Variants in NRP1 observed in about 807,000 individuals in gnomAD.
NRP1 encodes the protein neuropilin 1.
A neutral mutation model predicts 106.7 loss-of-function variants in NRP1; 35 were observed. The observed-to-expected ratio is 0.33, with a 90% CI of 0.25 to 0.43. The LOEUF (loss-of-function observed/expected upper bound fraction) is 0.43. Among genes scored for constraint, NRP1 ranks in the 20% least tolerant of loss-of-function variants. NRP1 has a pLI of 1.00. For missense variants in NRP1, 1,024 were observed against 1,170.4 expected (o/e 0.87, Z 1.83); for synonymous variants, 437 against 417.9 (o/e 1.05, Z -0.56).
chr10:33,184,756 G>T (rs182211367), intron 15 of NRP1, among the ~76,000 whole-genome samples: 4 of 152,032 alleles, frequency 2.6e-5, no homozygotes, highest in African/African-American at 7.2e-5. Context: ...AATTATTGCC[G>T]CTTTAGGGAT....
chr10:33,292,910 C>T (rs756476490), intron 2 of NRP1, among the ~76,000 whole-genome samples: 14 of 150,780 alleles, frequency 9.3e-5, no homozygotes, highest in South Asian at 8.5e-4. Context: ...TGCCTGAACT[C>T]GGGAGGCAGA....
At chr10:33,279,794 T>G (rs994449400) in intron 2 of NRP1, among the ~76,000 whole-genome samples, 2 of 152,204 alleles carry the variant, frequency 1.3e-5, no homozygotes, top group African/African-American at 4.8e-5. Context: ...AGGGATCATC[T>G]GCTCCATCTT....
intron 10 of NRP1, 142 bp downstream of exon 10, chr10:33,207,430 T>A (rs1216590622): frequency 1.2e-6 from 1 of 800,228 alleles, no homozygotes; most frequent in African/African-American, 1.7e-5. Flanking sequence ...GAGCTTTGAG[T>A]CTCACTGATG....
intron 16 of NRP1, among the ~76,000 whole-genome samples, chr10:33,180,726 C>T (rs1368261891): frequency 2.0e-5 from 3 of 152,186 alleles, no homozygotes; most frequent in Non-Finnish European, 2.9e-5. Flanking sequence ...ATTAGTCTAG[C>T]AAGGGGATTT....
At chr10:33,236,031 C>A (rs1185612299) in intron 6 of NRP1, among the ~76,000 whole-genome samples, 2 of 152,160 alleles carry the variant, frequency 1.3e-5, no homozygotes, top group Non-Finnish European at 2.9e-5. Flanking sequence ...TCTTTCCAGG[C>A]AGTAAAAGAT....
Position 33,197,696 on chromosome 10 carries a change from C to A in NRP1, c.1878G>T (p.Val626=). The change falls in exon 12 of 17, where the codon GTG becomes GTT. Residue 626 remains valine (V), a synonymous_variant. Transcript: ENST00000374867. ...DDFQLTGGTT[V]LATEKPTVID... The stretch of plus-strand genomic sequence containing the variant: ...TGACCGTGGGCTTTTCTGTGGCCAG[C>A]ACAGTGGTGCCACCTGAAAAACAAA... 1 of 1,598,004 alleles carries A rather than the reference C, an allele frequency of 6.3e-7. No individual in the cohort carries two copies. Among genetic ancestry groups the A allele is most frequent in the Non-Finnish European group, 8.5e-7 (1 of 1,171,110 alleles).
chr10:33,193,558 C>A (rs1218098506), intron 12 of NRP1, among the ~76,000 whole-genome samples: 1 of 152,106 alleles, frequency 6.6e-6, no homozygotes, highest in East Asian at 1.9e-4. Context: ...CAGGAAGGCG[C>A]CTGGGGCATC....
intron 3 of NRP1, 24 bp downstream of exon 3, chr10:33,270,651 T>C (rs1430251339): frequency 6.4e-7 from 1 of 1,572,756 alleles, no homozygotes; most frequent in Non-Finnish European, 8.6e-7. Flanking sequence ...GTCATTCTTG[T>C]TCTACCGTAA....
At chr10:33,305,600 C>T (rs1290384653) in intron 2 of NRP1, among the ~76,000 whole-genome samples, 1 of 152,182 alleles carries the variant, frequency 6.6e-6, no homozygotes, top group Non-Finnish European at 1.5e-5. Context: ...CCTGCCTAAA[C>T]TCCACTTTCT....
At position 33,263,827 on chromosome 10, in the gene NRP1, C is replaced by T. The variant is rs545180555; in HGVS notation, c.477G>A (p.Lys159=). 6 of 1,613,814 alleles carry T rather than the reference C, an allele frequency of 3.7e-6. No homozygotes were observed. In the South Asian group the frequency reaches 6.6e-5, roughly 18 times the overall value. Residue 159 remains lysine, a synonymous_variant, in exon 4 of 17, where the codon AAG becomes AAA. Transcript: ENST00000374867. The part of the protein sequence containing the change: ...QNYTTPSGVI[K]SPGFPEKYPN... ...GATATTTTTCAGGGAATCCGGGGGACTTTATCACTCCACTAGGTGTTGTGT... is the reference window on the plus strand; with the variant it reads ...GATATTTTTCAGGGAATCCGGGGGATTTTATCACTCCACTAGGTGTTGTGT...
intron 10 of NRP1, chr10:33,206,264 A>G (rs897633028): frequency 1.9e-6 from 1 of 519,060 alleles, no homozygotes; most frequent in South Asian, 1.4e-5. Flanking sequence ...ACGCATCTGC[A>G]GTGAGTGGAG....
chr10:33,229,640 G>C (rs1839947304), intron 6 of NRP1, among the ~76,000 whole-genome samples: 1 of 152,008 alleles, frequency 6.6e-6, no homozygotes, highest in Non-Finnish European at 1.5e-5. Context: ...TTGGTTTTTG[G>C]AGTAAGATTT....
intron 11 of NRP1, chr10:33,202,544 C>G: frequency 7.6e-7 from 1 of 1,320,034 alleles, no homozygotes; most frequent in African/African-American, 1.6e-5. Flanking sequence ...TGTGTGGTTA[C>G]GTAGGGGTGG....
intron 2 of NRP1, among the ~76,000 whole-genome samples, chr10:33,317,343 C>T (rs1306745629): frequency 1.3e-5 from 2 of 152,146 alleles, no homozygotes; most frequent in African/African-American, 4.8e-5. Context: ...GAACCAACTC[C>T]CCTCCCTACT....
chr10:33,236,771 A>C (rs925741116), intron 6 of NRP1, among the ~76,000 whole-genome samples: 1 of 152,212 alleles, frequency 6.6e-6, no homozygotes, highest in Non-Finnish European at 1.5e-5. Context: ...CACATAATTC[A>C]GTAGGACTGT....
intron 2 of NRP1, among the ~76,000 whole-genome samples, chr10:33,275,847 C>A (rs1487443762): frequency 6.6e-6 from 1 of 151,880 alleles, no homozygotes; most frequent in Non-Finnish European, 1.5e-5. Context: ...GAGTCTGAGA[C>A]TGCAGTGAGC....
intron 6 of NRP1, among the ~76,000 whole-genome samples, chr10:33,232,799 C>T (rs369781108): frequency 1.1e-4 from 17 of 151,824 alleles, no homozygotes; most frequent in East Asian, 9.7e-4. Flanking sequence ...CCCGCTCTCA[C>T]GCCCAGCTAA....
intron 3 of NRP1, among the ~76,000 whole-genome samples, chr10:33,265,646 CAGA>C (rs1383804380): frequency 2.0e-5 from 3 of 152,160 alleles, no homozygotes; most frequent in Non-Finnish European, 4.4e-5. Context: ...ATTGCAGATG[CAGA>C]AGAATTCTTA....
At chr10:33,248,212 C>G (rs892485327) in intron 6 of NRP1, among the ~76,000 whole-genome samples, 6 of 152,118 alleles carry the variant, frequency 3.9e-5, no homozygotes, top group African/African-American at 1.2e-4. Flanking sequence ...ATCGCTTGAA[C>G]CCAGGAGGTG....
Sources: allele counts gnomAD v4.1 joint callset (sites outside exome capture counted in the v4.1 genomes callset), GRCh38; gene constraint gnomAD v4.1.1; transcripts MANE v1.5; gene names NCBI Gene and HGNC (gene_info 2026-07-23, HGNC 2026-07-21).